IFT88: variants seen among roughly 807,000 people sequenced by gnomAD.
IFT88 encodes intraflagellar transport protein 88 homolog.
In IFT88, 74 loss-of-function variants were observed where a neutral mutation model predicts 119.5. The observed-to-expected ratio is 0.62, with a 90% CI of 0.51 to 0.75. IFT88 has a LOEUF of 0.75. IFT88 is among the 30% of genes least tolerant of loss of function. The pLI is 0.00. For synonymous variants in IFT88, 279 were observed against 316.7 expected, an observed-to-expected ratio of 0.88 and a Z score of 1.26; for missense variants, 961 against 977.7, an observed-to-expected ratio of 0.98 and a Z score of 0.23.
At chr13:20,656,135 A>AAAAAAAAAAC (rs2052750321) in intron 21 of IFT88, among the ~76,000 whole-genome samples, 1 of 151,194 alleles carries the variant, frequency 6.6e-6, no homozygotes, top group South Asian at 2.1e-4. Context: ...AAAAAAAAAA[A>AAAAAAAAAAC]AGGAAGAAGC....
At chr13:20,645,672 G>A (rs1235157318) in intron 20 of IFT88, among the ~76,000 whole-genome samples, 2 of 152,158 alleles carry the variant, frequency 1.3e-5, no homozygotes, top group East Asian at 3.9e-4. Context: ...TGTTTTCAGT[G>A]TCTTTAAGTT....
chr13:20,643,298 G>A (rs187108993), intron 18 of IFT88, among the ~76,000 whole-genome samples, 157 bp from the exon 19 acceptor site: 1 of 152,274 alleles, frequency 6.6e-6, no homozygotes, highest in African/African-American at 2.4e-5. Context: ...CCACAGTACT[G>A]CTGCATTCCA....
chr13:20,687,022 C>CAAAA (rs370247448), intron 24 of IFT88, among the ~76,000 whole-genome samples: 6 of 59,824 alleles, frequency 1.0e-4, no homozygotes, highest in African/African-American at 2.4e-4. Flanking sequence ...ACTTTCTTAC[C>CAAAA]AAAAAAAAAA....
intron 15 of IFT88, among the ~76,000 whole-genome samples, chr13:20,629,977 C>T (rs999762691): frequency 2.0e-5 from 3 of 152,202 alleles, no homozygotes; most frequent in Non-Finnish European, 4.4e-5. Context: ...CCGTTCCACA[C>T]ATCTTACTTG....
intron 2 of IFT88, among the ~76,000 whole-genome samples, chr13:20,579,946 C>T (rs1052839286): frequency 3.9e-5 from 6 of 152,208 alleles, no homozygotes; most frequent in Non-Finnish European, 7.3e-5. Context: ...CCTCCTCATT[C>T]TCCCAATTAT....
chr13:20,583,945 A>G (rs1013867157), intron 3 of IFT88, among the ~76,000 whole-genome samples: 3 of 152,110 alleles, frequency 2.0e-5, no homozygotes, highest in African/African-American at 7.2e-5. Flanking sequence ...CATATATGTA[A>G]GGGTTTGTTT....
intron 14 of IFT88, 100 bp downstream of exon 14, chr13:20,615,979 T>C: frequency 1.8e-6 from 1 of 565,210 alleles, no homozygotes; most frequent in African/African-American, 2.0e-5. Context: ...TGGATATGAA[T>C]GTTGATTCAT....
At chr13:20,679,510 T>C (rs948057467) in intron 24 of IFT88, among the ~76,000 whole-genome samples, 1 of 152,212 alleles carries the variant, frequency 6.6e-6, no homozygotes, top group African/African-American at 2.4e-5. Flanking sequence ...GGGAAAGCTT[T>C]ACAGGTATCC....
Position 20,616,010 on chromosome 13 carries a change from T to C in IFT88, c.1199+131T>C, listed in dbSNP as rs2045551004. 6 of 491,698 alleles carry C rather than the reference T, an allele frequency of 1.2e-5. No homozygotes were observed. The South Asian group carries it at 2.1e-4, about 17-fold the overall frequency. The allele number at this position is 491,698 out of a possible 1,614,324, so 30.5% of individuals were successfully genotyped here. A position where few individuals can be genotyped will look rare whatever the true frequency, so the allele number is the denominator to read the frequency against. On this transcript the variant is annotated intron_variant, in intron 14 of 25. Transcript: ENST00000351808. ...TTCATATTTATCAAGCAGATAATATTGTATGTTCAGATTAATATAGGCTAT... is the reference window on the plus strand; with the variant it reads ...TTCATATTTATCAAGCAGATAATATCGTATGTTCAGATTAATATAGGCTAT...
chr13:20,647,243 A>G (rs1225395085), intron 20 of IFT88, among the ~76,000 whole-genome samples: 1 of 152,156 alleles, frequency 6.6e-6, no homozygotes, highest in African/African-American at 2.4e-5. Flanking sequence ...ATTATATTAC[A>G]TCTCTTTTGA....
intron 24 of IFT88, among the ~76,000 whole-genome samples, chr13:20,690,477 A>G (rs2058367574): frequency 1.3e-5 from 2 of 152,220 alleles, no homozygotes; most frequent in South Asian, 4.1e-4. Context: ...CACATTTGAA[A>G]GAATACATAT....
intron 13 of IFT88, chr13:20,607,598 G>C: frequency 1.3e-6 from 1 of 756,296 alleles, no homozygotes; most frequent in Non-Finnish European, 2.4e-6. Flanking sequence ...ATCTCCCGCT[G>C]CTCAACATCT....
chr13:20,654,038 T>C (rs2052299117), intron 21 of IFT88, 110 bp downstream of exon 21: 2 of 510,968 alleles, frequency 3.9e-6, no homozygotes, highest in Admixed American at 3.7e-5. Flanking sequence ...AATACTAACT[T>C]TTTATAACTG....
chr13:20,607,635 T>TC, intron 13 of IFT88: 1 of 864,500 alleles, frequency 1.2e-6, no homozygotes, highest in Admixed American at 1.8e-5. Context: ...TTTTTTATGA[T>TC]CCCCACCTGG....
At chr13:20,657,663 C>T (rs904822160) in intron 22 of IFT88, among the ~76,000 whole-genome samples, 17 of 152,106 alleles carry the variant, frequency 1.1e-4, no homozygotes, top group Admixed American at 1.3e-4. Context: ...CACAGTGGCT[C>T]ACGCCTGTAA....
chr13:20,607,402 C>G (rs2043674649), intron 13 of IFT88: 2 of 626,874 alleles, frequency 3.2e-6, no homozygotes, highest in African/African-American at 3.6e-5. Context: ...GGGTGGTCCT[C>G]CTGTCCCAGA....
intron 19 of IFT88, among the ~76,000 whole-genome samples, chr13:20,644,164 G>C (rs148990737): frequency 4.3e-4 from 65 of 152,206 alleles, no homozygotes; most frequent in African/African-American, 1.5e-3. Context: ...ACCAAGAGAT[G>C]AAGAACAGCC....
At chr13:20,616,257 T>C (rs1212054889) in intron 14 of IFT88, among the ~76,000 whole-genome samples, 1 of 152,182 alleles carries the variant, frequency 6.6e-6, no homozygotes, top group African/African-American at 2.4e-5. Context: ...AAACCTATGC[T>C]GCCAGTTGTA....
intron 20 of IFT88, among the ~76,000 whole-genome samples, chr13:20,650,364 A>G (rs74890535): frequency 0.018 from 2,793 of 152,314 alleles, 72 homozygotes; most frequent in African/African-American, 0.064. Flanking sequence ...AGAATGAAGA[A>G]AAAACCCACG....
Sources: allele counts gnomAD v4.1 joint callset (sites outside exome capture counted in the v4.1 genomes callset), GRCh38; gene constraint gnomAD v4.1.1; transcripts MANE v1.5; gene names NCBI Gene and HGNC (gene_info 2026-07-23, HGNC 2026-07-21).